FAM131C: variants seen among roughly 807,000 people sequenced by gnomAD.
The protein encoded by FAM131C is protein FAM131C.
In FAM131C, 14 loss-of-function variants were observed where a neutral mutation model predicts 29.8. The ratio of observed to expected loss-of-function variants is 0.47; its 90% CI spans 0.31 to 0.73. FAM131C has a LOEUF of 0.73. FAM131C is among the 30% of genes least tolerant of loss of function. The probability of loss-of-function intolerance (pLI) is 0.05; values close to 1 mark genes in which losing one functional copy is unlikely to be tolerated. For synonymous variants in FAM131C, 86 were observed against 157.8 expected (o/e 0.54, Z 3.41); for missense variants, 252 against 383.8 (o/e 0.66, Z 2.87).
intron 1 of FAM131C, among the ~76,000 whole-genome samples, chr1:16,072,158 C>T (rs369482762): frequency 2.0e-5 from 3 of 152,186 alleles, no homozygotes; most frequent in Non-Finnish European, 4.4e-5. Context: ...GCCTGGCACA[C>T]GGCAGCTATC....
At chr1:16,062,390 C>CT (rs1553129302) in intron 3 of FAM131C, 109 bp downstream of exon 3, 7 of 1,263,990 alleles carry the variant, frequency 5.5e-6, no homozygotes, top group African/African-American at 1.7e-5. Flanking sequence ...GCCCCCCCCC[C>CT]CCCCGCCCCA....
Position 16,073,562 on chromosome 1 carries a change from G to T in FAM131C, c.-120C>A. The T allele has an allele frequency of 2.3e-6, 1 of 430,194 alleles. No homozygotes were observed. Among genetic ancestry groups the T allele is most frequent in the Non-Finnish European group, 3.5e-6 (1 of 287,148 alleles). The allele number at this position is 430,194 out of a possible 1,614,324, so 26.6% of individuals were successfully genotyped here. ...AGAGGACGGGCGGGGCGGGGGGCTC[G>T]GGCGCCCTCAGCTCGGCCTCAGCTC... On this transcript the variant is annotated 5_prime_UTR_variant, in exon 1 of 7. Coordinates refer to ENST00000375662, the MANE Select transcript of FAM131C (RefSeq NM_182623.3).
chr1:16,069,913 C>T (rs1326661305), intron 1 of FAM131C, among the ~76,000 whole-genome samples: 1 of 152,076 alleles, frequency 6.6e-6, no homozygotes, highest in Admixed American at 6.6e-5. Context: ...CAGCACACAC[C>T]ACCACAGCTA....
At chr1:16,061,935 C>A (rs1250149190) in intron 4 of FAM131C, among the ~76,000 whole-genome samples, 164 bp downstream of exon 4, 7 of 151,326 alleles carry the variant, frequency 4.6e-5, no homozygotes, top group Non-Finnish European at 8.9e-5. Context: ...ACTGGTCCCC[C>A]CGTGACCCGC....
At chr1:16,064,722 C>T (rs11804968) in intron 1 of FAM131C, among the ~76,000 whole-genome samples, 5,702 of 152,314 alleles carry the variant, frequency 0.037, 129 homozygotes, top group African/African-American at 0.053. Context: ...GCTCCCTTCT[C>T]GCTGGACGTG....
chr1:16,063,283 C>T (rs75071582), intron 2 of FAM131C, among the ~76,000 whole-genome samples: 5,729 of 151,646 alleles, frequency 0.038, 129 homozygotes, highest in African/African-American at 0.054. Context: ...AGTTAATTTG[C>T]GCAGGAAGAC....
chr1:16,064,097 T>C (rs2023642457), intron 1 of FAM131C, among the ~76,000 whole-genome samples: 1 of 152,068 alleles, frequency 6.6e-6, no homozygotes, highest in Admixed American at 6.6e-5. Flanking sequence ...CTGGAGAAAG[T>C]GACCGCTGCA....
rs560264458 is a variant in FAM131C, at chr1:16,062,390, C to G, written c.174+109G>C. The G allele has an allele frequency of 2.2e-4, 276 of 1,263,992 alleles. 8 individuals are homozygous for G. In the African/African-American group the frequency reaches 2.6e-3, roughly 12 times the overall value. The allele number at this position is 1,263,992 out of a possible 1,614,324, so 78.3% of individuals were successfully genotyped here. A position where few individuals can be genotyped will look rare whatever the true frequency, so the allele number is the denominator to read the frequency against. ...CCACTGTTTCATCAGGCCCCCCCCC[C>G]CCCCGCCCCAGGGCCAGCAGGACTG... On this transcript the variant is annotated intron_variant, in intron 3 of 6. Transcript: ENST00000375662.
chr1:16,071,049 C>T (rs917436226), intron 1 of FAM131C, among the ~76,000 whole-genome samples: 3 of 152,254 alleles, frequency 2.0e-5, no homozygotes, highest in East Asian at 3.8e-4. Context: ...GGCCTGCAAT[C>T]CTTGGCCTTG....
intron 1 of FAM131C, among the ~76,000 whole-genome samples, chr1:16,067,542 C>T (rs2124133460): frequency 6.6e-6 from 1 of 152,290 alleles, no homozygotes; most frequent in Non-Finnish European, 1.5e-5. Context: ...AGGCTTCTGG[C>T]TGCCATGGCA....
At position 16,059,975 on chromosome 1, in the gene FAM131C, C is replaced by T. The variant is rs1570352457; in HGVS notation, c.345G>A (p.Glu115=). 6.4e-7 allele frequency: 1 copy of T among 1,572,564 alleles called. No individual in the cohort carries two copies. Among genetic ancestry groups the T allele is most frequent in the Non-Finnish European group, 8.6e-7 (1 of 1,156,252 alleles). ...MARGRVAHLI[E]WKGWSAQPAG... ...CCGGCTGGGCACTCCAGCCCTTCCA[C>T]TCGATGAGGTGGGCCACGCGGCCTC... The change falls in exon 5 of 7, where the codon GAG becomes GAA. Residue 115 remains glutamate, a synonymous_variant. Transcript: ENST00000375662.
chr1:16,063,726 T>C (rs2023638819), intron 1 of FAM131C, 90 bp from the exon 2 acceptor site: 3 of 802,430 alleles, frequency 3.7e-6, no homozygotes, highest in Admixed American at 3.0e-5. Context: ...AAGGTGAGTA[T>C]GGCCTTGTTT....
chr1:16,073,412 C>A lies in FAM131C; in HGVS notation c.22+9G>T. 1.7e-6 allele frequency: 2 copies of A among 1,209,212 alleles called. No individual in the cohort carries two copies. Among genetic ancestry groups the A allele is most frequent in the Non-Finnish European group, 2.1e-6 (2 of 972,042 alleles). 74.9% of individuals were successfully genotyped at this position (1,209,212 alleles called of 1,614,324 possible). ...CCCGATCCCCCCGCCCCCGGCCGGG[C>A]CCCCTCACCTCGCGACACGCAGGAG... On this transcript the variant is annotated intron_variant, in intron 1 of 6. Coordinates refer to ENST00000375662, the MANE Select transcript of FAM131C (RefSeq NM_182623.3).
chr1:16,071,178 G>C (rs550123064), intron 1 of FAM131C, among the ~76,000 whole-genome samples: 5 of 152,236 alleles, frequency 3.3e-5, no homozygotes, highest in Admixed American at 3.3e-4. Context: ...GGGGCCAGGT[G>C]GGGGGCTCAG....
intron 4 of FAM131C, 50 bp downstream of exon 4, chr1:16,062,049 G>T: frequency 6.3e-7 from 1 of 1,582,756 alleles, no homozygotes. Context: ...CAGGGTCTAG[G>T]GTGGGACCGT....
intron 1 of FAM131C, among the ~76,000 whole-genome samples, chr1:16,072,819 C>G (rs2023766619): frequency 6.6e-6 from 1 of 151,994 alleles, no homozygotes; most frequent in Non-Finnish European, 1.5e-5. Context: ...CCAGGGGTAA[C>G]TGGGAACATC....
intron 1 of FAM131C, among the ~76,000 whole-genome samples, chr1:16,064,620 T>TG (rs1406278164): frequency 1.3e-5 from 2 of 152,154 alleles, no homozygotes; most frequent in Non-Finnish European, 2.9e-5. Flanking sequence ...TACCACTGGG[T>TG]GGGGCCGTCA....
At chr1:16,073,393 C>G (rs1206809209) in intron 1 of FAM131C, 28 bp downstream of exon 1, 1 of 1,185,490 alleles carries the variant, frequency 8.4e-7, no homozygotes, top group Admixed American at 4.4e-5. Flanking sequence ...GGCACCCGAT[C>G]CCCCCGCCCC....
intron 2 of FAM131C, 119 bp downstream of exon 2, chr1:16,063,402 A>C (rs2023632628): frequency 6.5e-6 from 5 of 774,326 alleles, no homozygotes; most frequent in Non-Finnish European, 1.1e-5. Context: ...CTGGTCCCAC[A>C]GGGAGAAGCG....
Sources: gnomAD v4.1 joint callset for allele counts (sites outside exome capture counted in the v4.1 genomes callset) on GRCh38, gnomAD v4.1.1 for gene constraint, MANE v1.5 for transcripts, NCBI Gene and HGNC (gene_info 2026-07-23, HGNC 2026-07-21) for gene names.